The following CAP2 variants were observed in gnomAD, a reference collection of about 807,000 sequenced individuals.
The protein encoded by CAP2 is adenylyl cyclase-associated protein 2.
In CAP2, 24 loss-of-function variants were observed where a neutral mutation model predicts 57.7. The observed-to-expected ratio is 0.42, with a 90% confidence interval of 0.30 to 0.58. The LOEUF (loss-of-function observed/expected upper bound fraction) is 0.58. Ranked by LOEUF, CAP2 falls within the 20% of genes least tolerant of loss-of-function variation. The probability of loss-of-function intolerance (pLI) is 0.22; values close to 1 mark genes in which losing one functional copy is unlikely to be tolerated. For synonymous variants in CAP2, 194 were observed against 207.2 expected, an observed-to-expected ratio of 0.94 and a Z score of 0.55; for missense variants, 501 against 590.3, an observed-to-expected ratio of 0.85 and a Z score of 1.57.
At chr6:17,482,572 A>G (rs1281029674) in intron 4 of CAP2, among the ~76,000 whole-genome samples, 2 of 149,164 alleles carry the variant, frequency 1.3e-5, no homozygotes, top group South Asian at 2.1e-4. Context: ...GCTCCCTCAG[A>G]TGGCCCAAGG....
In CAP2 at chr6:17,405,013, T is replaced by G. The variant is rs181017448; in HGVS notation, c.-2+11267T>G. Among the ~76,000 whole-genome samples the G allele has an allele frequency of 8.4e-4, 128 of 152,274 alleles. 2 individuals carry two copies. Among genetic ancestry groups the G allele is most frequent in the African/African-American group, 3.0e-3 (126 of 41,564 alleles). ...GGGGATACGTTCTAAGACCCCCTGT[T>G]GATGCCTGAAAGCATGGATAGTACC... On this transcript the variant is annotated intron_variant, in intron 1 of 12. Coordinates refer to ENST00000229922, the MANE Select transcript of CAP2 (RefSeq NM_006366.3).
chr6:17,480,666 C>T (rs1188449325), intron 4 of CAP2, among the ~76,000 whole-genome samples: 4 of 151,938 alleles, frequency 2.6e-5, no homozygotes, highest in South Asian at 2.1e-4. Flanking sequence ...CAAATGGAAG[C>T]GCCTGAAGTG....
chr6:17,424,273 G>A (rs566347007), intron 2 of CAP2, among the ~76,000 whole-genome samples: 33 of 152,144 alleles, frequency 2.2e-4, no homozygotes, highest in Non-Finnish European at 3.5e-4. Flanking sequence ...GGTGGCGGGC[G>A]CCTGTAGTCC....
chr6:17,511,365 T>G (rs1370702621), intron 6 of CAP2, among the ~76,000 whole-genome samples: 1 of 152,190 alleles, frequency 6.6e-6, no homozygotes, highest in Non-Finnish European at 1.5e-5. Flanking sequence ...CAGACTTCCT[T>G]GAGGTTTAAA....
intron 3 of CAP2, among the ~76,000 whole-genome samples, chr6:17,454,340 G>A (rs932029386): frequency 6.6e-5 from 10 of 151,988 alleles, no homozygotes; most frequent in Non-Finnish European, 1.2e-4. Context: ...TTGGAGGCCA[G>A]GCAAAATTCT....
intron 4 of CAP2, among the ~76,000 whole-genome samples, chr6:17,491,838 A>C (rs190397478): frequency 5.7e-4 from 87 of 152,364 alleles, no homozygotes; most frequent in Middle Eastern, 3.4e-3. Context: ...TACAAAGTAC[A>C]GTGCGTGATT....
At chr6:17,532,120 T>C (rs1027342967) in intron 7 of CAP2, among the ~76,000 whole-genome samples, 52 of 151,460 alleles carry the variant, frequency 3.4e-4, no homozygotes, top group African/African-American at 1.2e-3. Flanking sequence ...ACCTCTATTG[T>C]TGGGTTTGAA....
chr6:17,504,844 T>C (rs1761935339), intron 4 of CAP2, among the ~76,000 whole-genome samples: 1 of 152,218 alleles, frequency 6.6e-6, no homozygotes, highest in South Asian at 2.1e-4. Context: ...TTTTTAAATA[T>C]TAATTGTGAC....
At chr6:17,431,922 G>A (rs1040001564) in intron 3 of CAP2, among the ~76,000 whole-genome samples, 5 of 152,006 alleles carry the variant, frequency 3.3e-5, no homozygotes, top group African/African-American at 1.2e-4. Flanking sequence ...CTTCAGCCAT[G>A]CCAGGGAAGA....
At chr6:17,393,843 T>C (rs900697414) in intron 1 of CAP2, 97 bp downstream of exon 1, 50 of 138,866 alleles carry the variant, frequency 3.6e-4, no homozygotes, top group African/African-American at 1.3e-3. Flanking sequence ...TTGAGCCCGA[T>C]GGGTGGGGTA....
chr6:17,434,900 C>T (rs909823607), intron 3 of CAP2, among the ~76,000 whole-genome samples: 2 of 148,634 alleles, frequency 1.3e-5, no homozygotes, highest in South Asian at 2.2e-4. Context: ...CAAAAGAAGA[C>T]ATTTATGCAG....
At chr6:17,518,648 G>GT (rs200590420) in intron 7 of CAP2, among the ~76,000 whole-genome samples, 1,855 of 151,442 alleles carry the variant, frequency 0.012, 46 homozygotes, top group African/African-American at 0.042. Flanking sequence ...TAATTTTTTT[G>GT]TTTTTTTGAG....
chr6:17,496,031 G>GGGC (rs879870953), intron 4 of CAP2, among the ~76,000 whole-genome samples: 8 of 134,356 alleles, frequency 6.0e-5, no homozygotes, highest in East Asian at 2.4e-4. Context: ...TGTGGGTGGG[G>GGGC]GGGGGGGGTA....
At chr6:17,496,033 G>C (rs950976556) in intron 4 of CAP2, among the ~76,000 whole-genome samples, 2 of 126,686 alleles carry the variant, frequency 1.6e-5, no homozygotes, top group Non-Finnish European at 3.2e-5. Context: ...TGGGTGGGGG[G>C]GGGGGGTAAG....
At chr6:17,418,498 A>G (rs970694942) in intron 1 of CAP2, among the ~76,000 whole-genome samples, 21 of 152,110 alleles carry the variant, frequency 1.4e-4, no homozygotes, top group African/African-American at 5.1e-4. Context: ...ACGGAGCACT[A>G]TGAGATAGTG....
intron 3 of CAP2, among the ~76,000 whole-genome samples, chr6:17,453,933 G>T (rs1760481700): frequency 6.8e-6 from 1 of 146,228 alleles, no homozygotes; most frequent in African/African-American, 2.5e-5. Flanking sequence ...TGCCCAGGCT[G>T]GATTGCCATG....
chr6:17,528,954 G>A (rs1189441959), intron 7 of CAP2, among the ~76,000 whole-genome samples: 2 of 152,104 alleles, frequency 1.3e-5, no homozygotes, highest in African/African-American at 2.4e-5. Flanking sequence ...AGTGGCTCAC[G>A]CCTGTAATCC....
chr6:17,524,895 T>TTC (rs1561815588), intron 7 of CAP2, among the ~76,000 whole-genome samples: 1 of 4,558 alleles, frequency 2.2e-4, no homozygotes, highest in African/African-American at 3.5e-4. Context: ...TTTCTTTTCT[T>TTC]TTTTTTTTTT....
At chr6:17,524,518 G>A (rs1284800807) in intron 7 of CAP2, among the ~76,000 whole-genome samples, 1 of 152,184 alleles carries the variant, frequency 6.6e-6, no homozygotes, top group East Asian at 1.9e-4. Flanking sequence ...ATGTGCAGCA[G>A]CAGCAGGGGT....
Sources: allele counts gnomAD v4.1 joint callset (sites outside exome capture counted in the v4.1 genomes callset), GRCh38; gene constraint gnomAD v4.1.1; transcripts MANE v1.5; gene names NCBI Gene and HGNC (gene_info 2026-07-23, HGNC 2026-07-21).